Variants in RTL4 observed in about 807,000 individuals in gnomAD.
The protein encoded by RTL4 is retrotransposon Gag like 4, also known as retrotransposon Gag-like protein 4.
In RTL4, 4 loss-of-function variants were observed where a neutral mutation model predicts 5.3. The ratio of observed to expected loss-of-function variants is 0.75; its 90% CI spans 0.37 to 1.72. The LOEUF (loss-of-function observed/expected upper bound fraction) is 1.72, where lower values mean the gene tolerates loss of function less well. Ranked by LOEUF, RTL4 falls within the 40% of genes most tolerant of loss-of-function variation. The probability of loss-of-function intolerance (pLI) is 0.04; values close to 1 mark genes in which losing one functional copy is unlikely to be tolerated. For synonymous variants in RTL4, 98 were observed against 87.3 expected, an observed-to-expected ratio of 1.12 and a Z score of -0.68; for missense variants, 260 against 227.1, an observed-to-expected ratio of 1.14 and a Z score of -0.93.
At chrX:112,289,012 A>G in the RTL4 span, among the ~76,000 whole-genome samples, 5 of 111,995 alleles carry the variant, frequency 4.5e-5, no homozygotes, top group African/African-American at 9.7e-5. Context: ...TATGTGCTCA[A>G]TCAAGATTTG....
At chrX:112,289,128 C>T in the RTL4 span, among the ~76,000 whole-genome samples, 3 of 111,820 alleles carry the variant, frequency 2.7e-5, no homozygotes, top group Non-Finnish European at 5.6e-5. Context: ...CGAATAAGTA[C>T]GAAGGGACTG....
At chrX:112,359,894 A>G in the RTL4 span, among the ~76,000 whole-genome samples, 1 of 111,165 alleles carries the variant, frequency 9.0e-6, no homozygotes, top group African/African-American at 3.3e-5. Context: ...GAAAGCTACA[A>G]TTTTTCAAAT....
At chrX:112,406,154 A>C in the RTL4 span, among the ~76,000 whole-genome samples, 1 of 111,678 alleles carries the variant, frequency 9.0e-6, no homozygotes, top group Non-Finnish European at 1.9e-5. Context: ...TCTAAGCCAC[A>C]ATGACTGCAA....
chrX:112,353,917 A>T, the RTL4 span, among the ~76,000 whole-genome samples: 1 of 111,386 alleles, frequency 9.0e-6, no homozygotes, highest in Non-Finnish European at 1.9e-5. Flanking sequence ...TGATTTTTTT[A>T]AAATTAATCA....
At chrX:112,310,824 A>G in the RTL4 span, among the ~76,000 whole-genome samples, 11 of 86,693 alleles carry the variant, frequency 1.3e-4, 1 homozygote, top group East Asian at 3.7e-3. Flanking sequence ...TATATATATT[A>G]ATACATTATA....
the RTL4 span, among the ~76,000 whole-genome samples, chrX:112,420,292 T>C: frequency 1.8e-5 from 2 of 111,566 alleles, no homozygotes; most frequent in African/African-American, 6.5e-5. Flanking sequence ...TAATTCTTAA[T>C]GTTCCCCAAA....
chrX:112,123,688 C>T, the RTL4 span, among the ~76,000 whole-genome samples: 1 of 111,969 alleles, frequency 8.9e-6, no homozygotes, highest in Non-Finnish European at 1.9e-5. Flanking sequence ...TGTTTTGGTA[C>T]CAGTACCATG....
At chrX:112,287,961 C>G in the RTL4 span, among the ~76,000 whole-genome samples, 1 of 111,707 alleles carries the variant, frequency 9.0e-6, no homozygotes, top group African/African-American at 3.2e-5. Flanking sequence ...CTTGTGTCTC[C>G]CCAGGATGGA....
the RTL4 span, among the ~76,000 whole-genome samples, chrX:112,262,891 G>C: frequency 1.1e-4 from 12 of 110,183 alleles, no homozygotes; most frequent in African/African-American, 4.0e-4. Flanking sequence ...CATGTCCTTT[G>C]TAGGGACATG....
At chrX:112,232,604 C>G in the RTL4 span, among the ~76,000 whole-genome samples, 2 of 111,821 alleles carry the variant, frequency 1.8e-5, no homozygotes, top group Non-Finnish European at 3.8e-5. Context: ...TCCCTGGGAT[C>G]TTGTGCTGAG....
At chrX:112,166,873 AATAAC>A in the RTL4 span, among the ~76,000 whole-genome samples, 3 of 112,020 alleles carry the variant, frequency 2.7e-5, no homozygotes, top group Admixed American at 9.5e-5. Flanking sequence ...TATTAACATA[AATAAC>A]ATAAGTAATT....
the RTL4 span, among the ~76,000 whole-genome samples, chrX:112,390,146 TATATATA>T: frequency 2.1e-5 from 1 of 48,701 alleles, no homozygotes; most frequent in African/African-American, 8.2e-5. Flanking sequence ...TATATATATA[TATATATA>T]TATATATTTA....
the RTL4 span, among the ~76,000 whole-genome samples, chrX:112,438,970 G>A: frequency 3.6e-5 from 4 of 111,699 alleles, no homozygotes; most frequent in Admixed American, 2.9e-4. Flanking sequence ...GAAAATCGTC[G>A]AAGCTAGTAA....
the RTL4 span, among the ~76,000 whole-genome samples, chrX:112,305,078 T>C: frequency 9.0e-6 from 1 of 110,501 alleles, no homozygotes; most frequent in Non-Finnish European, 1.9e-5. Context: ...CTCCATAACA[T>C]AAGAATCTAC....
chrX:112,322,741 G>A, the RTL4 span, among the ~76,000 whole-genome samples: 1 of 111,099 alleles, frequency 9.0e-6, no homozygotes, highest in Non-Finnish European at 1.9e-5. Flanking sequence ...GCTCATACAT[G>A]TACACACATA....
At chrX:112,288,152 A>G in the RTL4 span, among the ~76,000 whole-genome samples, 1 of 112,097 alleles carries the variant, frequency 8.9e-6, no homozygotes, top group Non-Finnish European at 1.9e-5. Context: ...TGGAGTTACG[A>G]TGACTTATGA....
the RTL4 span, among the ~76,000 whole-genome samples, chrX:112,119,538 T>A: frequency 9.0e-6 from 1 of 111,335 alleles, no homozygotes; most frequent in African/African-American, 3.3e-5. Flanking sequence ...TAGTTAGGCT[T>A]GAATTGGAGT....
At chrX:112,325,258 C>A in the RTL4 span, among the ~76,000 whole-genome samples, 4 of 111,710 alleles carry the variant, frequency 3.6e-5, no homozygotes, top group Non-Finnish European at 3.8e-5. Context: ...CCATTCCCAT[C>A]AAGCTACCAA....
the RTL4 span, among the ~76,000 whole-genome samples, chrX:112,131,669 G>A: frequency 9.0e-6 from 1 of 111,054 alleles, no homozygotes; most frequent in Non-Finnish European, 1.9e-5. Flanking sequence ...TCTGGCAGGT[G>A]GATAGCAGGG....
Sources: gnomAD v4.1 joint callset for allele counts (sites outside exome capture counted in the v4.1 genomes callset) on GRCh38, gnomAD v4.1.1 for gene constraint, MANE v1.5 for transcripts, NCBI Gene and HGNC (gene_info 2026-07-23, HGNC 2026-07-21) for gene names.